HNRNPD: variants seen among roughly 807,000 people sequenced by gnomAD.
The protein encoded by HNRNPD is heterogeneous nuclear ribonucleoprotein D0.
Under a neutral mutation model 47.9 loss-of-function variants are expected in HNRNPD, and 3 were observed. That is an observed-to-expected ratio of 0.06 (90% CI 0.03 to 0.16). The LOEUF (loss-of-function observed/expected upper bound fraction) is 0.16, where lower values mean the gene tolerates loss of function less well. Ranked by LOEUF, HNRNPD falls within the 10% of genes least tolerant of loss-of-function variation. The probability of loss-of-function intolerance (pLI) is 1.00; values close to 1 mark genes in which losing one functional copy is unlikely to be tolerated. For synonymous variants in HNRNPD, 171 were observed against 165.1 expected (o/e 1.04, Z -0.28); for missense variants, 287 against 454.2 (o/e 0.63, Z 3.35).
Position 82,372,505 on chromosome 4 carries a change from T to A in HNRNPD, c.234-921A>T, listed in dbSNP as rs187015921. Among the ~76,000 whole-genome samples the A allele has an allele frequency of 2.2e-4, 33 of 151,970 alleles. No homozygotes were observed. The East Asian group carries it at 5.4e-3, about 25-fold the overall frequency. On this transcript the variant is annotated intron_variant, in intron 1 of 8. Coordinates refer to ENST00000313899, the MANE Select transcript of HNRNPD (RefSeq NM_031370.3). Reference sequence around the variant, plus strand: ...CAGATATCAAGACACCAAAATAGGATCCTGGGCACCGGGAAAAAAAGGGGG... The same window carrying A: ...CAGATATCAAGACACCAAAATAGGAACCTGGGCACCGGGAAAAAAAGGGGG...
intron 2 of HNRNPD, among the ~76,000 whole-genome samples, chr4:82,361,349 A>C (rs1719422583): frequency 6.6e-6 from 1 of 152,232 alleles, no homozygotes; most frequent in African/African-American, 2.4e-5. Flanking sequence ...TTTTAATGAG[A>C]AAGAGAACTG....
In HNRNPD at chr4:82,355,407, A is replaced by G. The variant is rs759485807; in HGVS notation, c.1001-6T>C. On this transcript the variant is annotated splice_region_variant and splice_polypyrimidine_tract_variant and intron_variant, in intron 7 of 8. Coordinates refer to ENST00000313899, the MANE Select transcript of HNRNPD (RefSeq NM_031370.3). Reference sequence around the variant, plus strand: ...CCCATAACCACTCTGCTGGTCTAAAATAAAACAAGTGTTAGAACCAGAACG... The same window carrying G: ...CCCATAACCACTCTGCTGGTCTAAAGTAAAACAAGTGTTAGAACCAGAACG... 1 of 1,609,796 alleles carries G rather than the reference A, an allele frequency of 6.2e-7. No homozygotes were observed. Among genetic ancestry groups the G allele is most frequent in the Non-Finnish European group, 8.5e-7 (1 of 1,176,096 alleles).
In HNRNPD at chr4:82,373,806, A is replaced by G; in HGVS notation, c.-128T>C. 1 of 1,501,354 alleles carries G rather than the reference A, an allele frequency of 6.7e-7. No homozygotes were observed. Among genetic ancestry groups the G allele is most frequent in the Non-Finnish European group, 8.9e-7 (1 of 1,128,428 alleles). The allele number at this position is 1,501,354 out of a possible 1,614,324, so 93.0% of individuals were successfully genotyped here. ...CCTCGCGAAGCACACAAGACAGGGA[A>G]GGCGCGCGCGTGGCTGCAAAGGCTC... On this transcript the variant is annotated 5_prime_UTR_variant, in exon 1 of 9. Coordinates refer to ENST00000313899, the MANE Select transcript of HNRNPD (RefSeq NM_031370.3).
intron 2 of HNRNPD, among the ~76,000 whole-genome samples, chr4:82,362,094 A>G (rs1326088128): frequency 6.6e-6 from 1 of 152,138 alleles, no homozygotes; most frequent in African/African-American, 2.4e-5. Context: ...ACAGCATCAC[A>G]CTTTTCTGCC....
chr4:82,363,048 G>GTGTGTGTA (rs1198240906), intron 2 of HNRNPD, among the ~76,000 whole-genome samples: 94 of 145,526 alleles, frequency 6.5e-4, no homozygotes, highest in African/African-American at 2.4e-3. Context: ...GTGTGTGTGT[G>GTGTGTGTA]TATATATATA....
intron 2 of HNRNPD, among the ~76,000 whole-genome samples, chr4:82,366,377 G>A (rs567159977): frequency 2.2e-4 from 33 of 151,862 alleles, no homozygotes; most frequent in African/African-American, 7.0e-4. Flanking sequence ...CCAAGTAGAT[G>A]GGACTACAGA....
chr4:82,354,775 A>G (rs1362130007), intron 8 of HNRNPD: 1 of 152,940 alleles, frequency 6.5e-6, no homozygotes, highest in Non-Finnish European at 1.5e-5. Flanking sequence ...GGGCCTGTAA[A>G]AAATGCATTA....
rs1376817708 is a variant in HNRNPD at position 82,366,678 on chromosome 4, C to T, written c.290+4850G>A. On this transcript the variant is annotated intron_variant, in intron 2 of 8. Coordinates refer to ENST00000313899, the MANE Select transcript of HNRNPD (RefSeq NM_031370.3). ...GCCTCCAGGGTTCAAGTGATTCTCC[C>T]GCCTCAGCCTCCTGAGTGACTACAG... Among the ~76,000 whole-genome samples, 7 of 152,082 alleles carry T rather than the reference C, an allele frequency of 4.6e-5. No individual in the cohort carries two copies. In the South Asian group the frequency reaches 1.2e-3, roughly 27 times the overall value.
In HNRNPD at chr4:82,356,789, A is replaced by T; in HGVS notation, c.853+7T>A. 1 of 1,613,412 alleles carries T rather than the reference A, an allele frequency of 6.2e-7. No individual in the cohort carries two copies. Among genetic ancestry groups the T allele is most frequent in the Non-Finnish European group, 8.5e-7 (1 of 1,179,322 alleles). ...TTAAGATAGAGTAAACTTAGGCTCT[A>T]GCTTACCACCACCTCTTCCACGAGC... is the stretch of plus-strand genomic sequence containing the variant. On this transcript the variant is annotated splice_region_variant and intron_variant, in intron 6 of 8. Coordinates refer to ENST00000313899, the MANE Select transcript of HNRNPD (RefSeq NM_031370.3).
At chr4:82,372,997 G>A (rs1449353125) in intron 1 of HNRNPD, 2 of 373,442 alleles carry the variant, frequency 5.4e-6, no homozygotes, top group Non-Finnish European at 1.1e-5. Context: ...TTTCAGGATG[G>A]TGGAGAAGCA....
In HNRNPD at chr4:82,373,656, C is replaced by G. The variant is rs950691794; in HGVS notation, c.23G>C (p.Gly8Ala). The G allele has an allele frequency of 7.2e-6, 11 of 1,528,984 alleles. No homozygotes were observed. Among genetic ancestry groups the G allele is most frequent in the Non-Finnish European group, 7.9e-6 (9 of 1,144,246 alleles). 94.7% of individuals were successfully genotyped at this position (1,528,984 alleles called of 1,614,324 possible). The change falls in exon 1 of 9, where the codon GGG becomes GCG. Residue 8 changes from glycine (G) to alanine (A), a missense_variant. Gly to Ala is a moderately conservative substitution (Grantham distance 60, BLOSUM62 0). Around this residue, in one of 5 missense-constraint regions of HNRNPD, gnomAD observed 161 missense variants for 137.1 expected, o/e 1.17. Coordinates refer to ENST00000313899, the MANE Select transcript of HNRNPD (RefSeq NM_031370.3). MSEEQFG[G>A]DGAAAAATAA... ...CGTTGCCGCTGCCGCCGCCCCGTCC[C>G]CGCCGAACTGCTCCTCCGACATAGT...
intron 2 of HNRNPD, among the ~76,000 whole-genome samples, chr4:82,369,319 G>A (rs1719915755): frequency 6.6e-6 from 1 of 152,136 alleles, no homozygotes; most frequent in Non-Finnish European, 1.5e-5. Flanking sequence ...AAATCAAAGT[G>A]AACTCAGGAG....
At chr4:82,373,306 A>G (rs753565123) in intron 1 of HNRNPD, 140 bp downstream of exon 1, 172 of 1,165,706 alleles carry the variant, frequency 1.5e-4, no homozygotes, top group Non-Finnish European at 1.9e-4. Context: ...CCCAACATAG[A>G]AAAAGGGAGA....
rs1249892126 is a variant in HNRNPD at position 82,352,889 on chromosome 4, G to C, written c.*1296C>G. ...ATCAGATGTAACTCCACAAAAGTAA[G>C]AAAGGTATTCCATCACTTCACTACT... is the stretch of plus-strand genomic sequence containing the variant. On this transcript the variant is annotated 3_prime_UTR_variant, in exon 9 of 9. Coordinates refer to ENST00000313899, the MANE Select transcript of HNRNPD (RefSeq NM_031370.3). 1 of 152,180 alleles carries C rather than the reference G, an allele frequency of 6.6e-6. No homozygotes were observed. The highest frequency in any genetic ancestry group is 2.1e-4 in the South Asian group (1 of 4,834). 9.4% of individuals were successfully genotyped at this position (152,180 alleles called of 1,614,324 possible).
chr4:82,356,392 A>G, intron 7 of HNRNPD, 145 bp downstream of exon 7: 1 of 637,278 alleles, frequency 1.6e-6, no homozygotes, highest in Non-Finnish European at 2.7e-6. Context: ...GAACCAAGCA[A>G]TAAAATGGCT....
At position 82,373,850 on chromosome 4, in the gene HNRNPD, T is replaced by C; in HGVS notation, c.-172A>G. The C allele has an allele frequency of 7.2e-7, 1 of 1,398,182 alleles. No individual in the cohort carries two copies. Among genetic ancestry groups the C allele is most frequent in the Non-Finnish European group, 9.4e-7 (1 of 1,065,424 alleles). The allele number at this position is 1,398,182 out of a possible 1,614,324, so 86.6% of individuals were successfully genotyped here. On this transcript the variant is annotated 5_prime_UTR_variant, in exon 1 of 9. Transcript: ENST00000313899. The stretch of plus-strand genomic sequence containing the variant: ...AAGGCTCCTGCGCCTCTCCCTGGCC[T>C]GCCCCCTTCGCCTCCCACTCTCGCG...
intron 1 of HNRNPD, 183 bp downstream of exon 1, chr4:82,373,263 G>C (rs1270580182): frequency 3.6e-6 from 3 of 827,320 alleles, no homozygotes; most frequent in East Asian, 5.4e-5. Context: ...GCGATAAGCA[G>C]GCAAAGGAAG....
Position 82,373,415 on chromosome 4 carries a change from G to C in HNRNPD, c.233+31C>G, listed in dbSNP as rs1255495689. The stretch of plus-strand genomic sequence containing the variant: ...AAAGAGGGGGAGGGGGACTAGTTGG[G>C]CCTGACTATCCTGGGATGCCCCTTA... On this transcript the variant is annotated intron_variant, in intron 1 of 8. Coordinates refer to ENST00000313899, the MANE Select transcript of HNRNPD (RefSeq NM_031370.3). The C allele has an allele frequency of 1.9e-6, 3 of 1,556,610 alleles. No homozygotes were observed. In the East Asian group the frequency reaches 7.0e-5, roughly 36 times the overall value.
chr4:82,356,629 C>T lies in HNRNPD; in HGVS notation c.908G>A (p.Gly303Asp). ...GYSNYWNQGY[G>D]NYGYNSQGYG... ...ACCTTGGCTGTTATATCCATAGTTG[C>T]CATAGCCTTGATTCCAATAGTTACT... The change falls in exon 7 of 9, where the codon GGC (glycine) becomes GAC (aspartate). Residue 303 changes from glycine to aspartate, a missense_variant. Coordinates refer to ENST00000313899, the MANE Select transcript of HNRNPD (RefSeq NM_031370.3). The T allele has an allele frequency of 6.2e-7, 1 of 1,612,554 alleles. No individual in the cohort carries two copies. The highest frequency in any genetic ancestry group is 8.5e-7 in the Non-Finnish European group (1 of 1,179,922).
Sources: gnomAD v4.1 joint callset for allele counts (sites outside exome capture counted in the v4.1 genomes callset) on GRCh38, gnomAD v4.1.1 for gene constraint, gnomAD v4.1.1 regional missense constraint, MANE v1.5 for transcripts, NCBI Gene and HGNC (gene_info 2026-07-23, HGNC 2026-07-21) for gene names.